TBC1D13: variants seen among roughly 807,000 people sequenced by gnomAD.
The protein encoded by TBC1D13 is epididymis secretory sperm binding protein.
Under a neutral mutation model 53.6 loss-of-function variants are expected in TBC1D13, and 40 were observed. That is an observed-to-expected ratio of 0.75 (90% confidence interval 0.58 to 0.97). The LOEUF (loss-of-function observed/expected upper bound fraction) is 0.97, where lower values mean the gene tolerates loss of function less well. Among genes scored for constraint, TBC1D13 ranks in the 50% least tolerant of loss-of-function variants. TBC1D13 has a pLI of 0.00. For missense variants in TBC1D13, 377 were observed against 499.4 expected, an observed-to-expected ratio of 0.75 and a Z score of 2.34; for synonymous variants, 182 against 197.7, an observed-to-expected ratio of 0.92 and a Z score of 0.67.
At chr9:128,798,769 C>T (rs1829681000) in intron 7 of TBC1D13, among the ~76,000 whole-genome samples, 1 of 152,228 alleles carries the variant, frequency 6.6e-6, no homozygotes, top group South Asian at 2.1e-4. Flanking sequence ...TTTTCACTGT[C>T]TTCCATCAAT....
chr9:128,805,496 A>G (rs540089483), intron 9 of TBC1D13, among the ~76,000 whole-genome samples: 6 of 152,376 alleles, frequency 3.9e-5, no homozygotes, highest in Admixed American at 6.5e-5. Context: ...AGCATAGCCC[A>G]GGCTTTTAGT....
chr9:128,789,725 T>C (rs551304016), intron 2 of TBC1D13: 14 of 151,402 alleles, frequency 9.2e-5, no homozygotes, highest in East Asian at 1.9e-4. Flanking sequence ...CTGGGAATAA[T>C]AGATGTGGTT....
At chr9:128,798,202 T>C (rs1489196439) in intron 7 of TBC1D13, among the ~76,000 whole-genome samples, 1 of 151,796 alleles carries the variant, frequency 6.6e-6, no homozygotes, top group South Asian at 2.1e-4. Flanking sequence ...GCAGTGAGTC[T>C]AGATTATACC....
chr9:128,805,783 T>A lies in TBC1D13; in HGVS notation c.919-76T>A, dbSNP rs1829819609. ...GGCCCTGCTGTTCTGAATTCACTTC[T>A]GACCCACTGCGTGGTGCTCCATGGC... On this transcript the variant is annotated intron_variant, in intron 9 of 11. Transcript: ENST00000372648. The A allele has an allele frequency of 4.0e-6, 6 of 1,502,712 alleles. 1 individual carries two copies. The highest frequency in any genetic ancestry group is 9.0e-7 in the Non-Finnish European group (1 of 1,111,184). The allele number at this position is 1,502,712 out of a possible 1,614,324, so 93.1% of individuals were successfully genotyped here.
At chr9:128,792,083 C>T (rs1386990705) in intron 5 of TBC1D13, among the ~76,000 whole-genome samples, 1 of 152,234 alleles carries the variant, frequency 6.6e-6, no homozygotes, top group Non-Finnish European at 1.5e-5. Flanking sequence ...AATCGATGGG[C>T]CCCAGGCCCA....
chr9:128,791,415 A>T lies in TBC1D13; in HGVS notation c.174A>T (p.Ser58=), dbSNP rs753191072. The T allele has an allele frequency of 6.2e-7, 1 of 1,614,120 alleles. No homozygotes were observed. The highest frequency in any genetic ancestry group is 1.7e-5 in the Admixed American group (1 of 60,006). The change falls in exon 4 of 12, where the codon TCA becomes TCT. Residue 58 remains serine (S), a synonymous_variant. Coordinates refer to ENST00000372648, the MANE Select transcript of TBC1D13 (RefSeq NM_018201.5). The part of the protein sequence containing the change: ...LLNYLPLERA[S]WTSILAKQRE... ...ACTACCTTCCCTTGGAGAGAGCCTC[A>T]TGGACCTCCATCCTGGCCAAGCAGA...
intron 9 of TBC1D13, 81 bp downstream of exon 9, chr9:128,804,200 C>T (rs111397413): frequency 1.5e-5 from 23 of 1,521,988 alleles, no homozygotes; most frequent in African/African-American, 1.1e-4. Flanking sequence ...GGCGAGGTCT[C>T]GCTTGAGTCT....
chr9:128,791,758 G>A, intron 5 of TBC1D13, 65 bp downstream of exon 5: 1 of 1,443,858 alleles, frequency 6.9e-7, no homozygotes, highest in Non-Finnish European at 9.7e-7. Flanking sequence ...CCTTGGAGCA[G>A]GCAAGGGCCC....
At chr9:128,792,015 A>G (rs556393414) in intron 5 of TBC1D13, among the ~76,000 whole-genome samples, 2 of 152,310 alleles carry the variant, frequency 1.3e-5, no homozygotes, top group African/African-American at 4.8e-5. Flanking sequence ...GCTGCCAGGA[A>G]GCCTTGTTCT....
At chr9:128,790,914 G>C (rs1200788985) in intron 3 of TBC1D13, 139 bp downstream of exon 3, 4 of 850,212 alleles carry the variant, frequency 4.7e-6, no homozygotes, top group African/African-American at 1.7e-5. Flanking sequence ...GGGAAGTCCT[G>C]GGTTTTCTGT....
intron 3 of TBC1D13, among the ~76,000 whole-genome samples, 170 bp from the exon 4 acceptor site, chr9:128,791,210 G>A (rs993476148): frequency 6.6e-6 from 1 of 152,168 alleles, no homozygotes; most frequent in Non-Finnish European, 1.5e-5. Flanking sequence ...GGAGGCAGTG[G>A]GGAGGAAGGG....
At position 128,794,103 on chromosome 9, in the gene TBC1D13, A is replaced by G. The variant is rs147672592; in HGVS notation, c.383+1529A>G. 3.7e-3 allele frequency among the ~76,000 whole-genome samples: 565 copies of G among 152,346 alleles called. 1 individual carries two copies. Among genetic ancestry groups the G allele is most frequent in the African/African-American group, 0.013 (547 of 41,594 alleles). ...GAAAGCCTTTCCAGGGAGGAGGCTCAGGATGAGATATGAAAGAGGAGGAGG... is the reference window on the plus strand; with the variant it reads ...GAAAGCCTTTCCAGGGAGGAGGCTCGGGATGAGATATGAAAGAGGAGGAGG... On this transcript the variant is annotated intron_variant, in intron 6 of 11. Coordinates refer to ENST00000372648, the MANE Select transcript of TBC1D13 (RefSeq NM_018201.5).
chr9:128,806,032 A>G lies in TBC1D13; in HGVS notation c.1079+13A>G, dbSNP rs1829826295. 2 of 1,612,414 alleles carry G rather than the reference A, an allele frequency of 1.2e-6. No individual in the cohort carries two copies. The highest frequency in any genetic ancestry group is 1.7e-6 in the Non-Finnish European group (2 of 1,178,838). Reference sequence around the variant, plus strand: ...GCGCCATGCTCATGTGAGTGCGGGCATGAGCTGTCATCAGCTCACCTGGGC... The same window carrying G: ...GCGCCATGCTCATGTGAGTGCGGGCGTGAGCTGTCATCAGCTCACCTGGGC... On this transcript the variant is annotated intron_variant, in intron 10 of 11. Coordinates refer to ENST00000372648, the MANE Select transcript of TBC1D13 (RefSeq NM_018201.5).
chr9:128,807,167 A>G (rs1294005572), intron 11 of TBC1D13, among the ~76,000 whole-genome samples: 1 of 145,708 alleles, frequency 6.9e-6, no homozygotes, highest in African/African-American at 2.5e-5. Flanking sequence ...GTTCACTGCA[A>G]CCTCCACCTC....
rs767825654 is a variant in TBC1D13, at chr9:128,791,733, G to T, written c.300+40G>T. On this transcript the variant is annotated intron_variant, in intron 5 of 11. Coordinates refer to ENST00000372648, the MANE Select transcript of TBC1D13 (RefSeq NM_018201.5). ...ACAGCGGAGACCCAGGATACAGAATGTGGAGGGGTGGCGGCCTTGGAGCAG... is the reference window on the plus strand; with the variant it reads ...ACAGCGGAGACCCAGGATACAGAATTTGGAGGGGTGGCGGCCTTGGAGCAG... 1.9e-6 allele frequency: 3 copies of T among 1,586,930 alleles called. No individual in the cohort carries two copies. The East Asian group carries it at 6.7e-5, about 35-fold the overall frequency.
chr9:128,804,932 T>A (rs1829805153), intron 9 of TBC1D13, among the ~76,000 whole-genome samples: 1 of 151,576 alleles, frequency 6.6e-6, no homozygotes, highest in Non-Finnish European at 1.5e-5. Flanking sequence ...TTTCGCTGTG[T>A]TGGCCAGGCT....
chr9:128,807,792 G>A (rs1310279847), intron 11 of TBC1D13, 22 bp from the exon 12 acceptor site: 1 of 1,613,902 alleles, frequency 6.2e-7, no homozygotes, highest in South Asian at 1.1e-5. Flanking sequence ...AGAGGCAACT[G>A]TTGGCCTTTT....
intron 9 of TBC1D13, 63 bp downstream of exon 9, chr9:128,804,182 C>T: frequency 6.4e-7 from 1 of 1,574,086 alleles, no homozygotes; most frequent in Non-Finnish European, 8.7e-7. Context: ...TGTGCCATCC[C>T]AGCCCAGGGC....
At chr9:128,803,907 G>A in intron 8 of TBC1D13, 49 bp from the exon 9 acceptor site, 1 of 1,602,134 alleles carries the variant, frequency 6.2e-7, no homozygotes, top group African/African-American at 1.3e-5. Flanking sequence ...GTGAGAGGTG[G>A]GGTGGGCCTG....
Sources: allele counts gnomAD v4.1 joint callset (sites outside exome capture counted in the v4.1 genomes callset), GRCh38; gene constraint gnomAD v4.1.1; transcripts MANE v1.5; gene names NCBI Gene and HGNC (gene_info 2026-07-23, HGNC 2026-07-21).